SLC4A2: variants seen among roughly 807,000 people sequenced by gnomAD.
The protein encoded by SLC4A2 is solute carrier family 4 member 2.
SLC4A2 carries 36 observed loss-of-function variants against 115.0 expected under a neutral mutation model. The ratio of observed to expected loss-of-function variants is 0.31; its 90% CI spans 0.24 to 0.41. The LOEUF (loss-of-function observed/expected upper bound fraction) is 0.41, where lower values mean the gene tolerates loss of function less well. Among genes scored for constraint, SLC4A2 ranks in the 10% least tolerant of loss-of-function variants. SLC4A2 has a pLI of 1.00. For missense variants in SLC4A2, 1,252 were observed against 1,705.6 expected, an observed-to-expected ratio of 0.73 and a Z score of 4.68; for synonymous variants, 708 against 708.3, an observed-to-expected ratio of 1.00 and a Z score of 0.01.
At chr7:151,061,743 C>T (rs894489442) in intron 1 of SLC4A2, 182 bp from the exon 2 acceptor site, 2 of 541,952 alleles carry the variant, frequency 3.7e-6, no homozygotes, top group African/African-American at 1.9e-5. Flanking sequence ...CCTCAGTCCT[C>T]TCCTGTCTCC....
chr7:151,076,303 C>G lies in SLC4A2; in HGVS notation c.3662C>G (p.Ala1221Gly), dbSNP rs923399629. The change falls in exon 23 of 23, where the codon GCA becomes GGA. Residue 1221 changes from alanine (A) to glycine (G), a missense_variant. Ala to Gly is a moderately conservative substitution (Grantham distance 60). This residue lies in a region of SLC4A2 where 52 missense variants were observed against 40.6 expected (regional missense o/e 1.28). Transcript: ENST00000413384. ...REMKCLDANE[A>G]EPVFDEREGV... Reference sequence around the variant, plus strand: ...CACACACAGCTGGATGCTAACGAGGCAGAGCCGGTGTTTGATGAGCGGGAG... The same window carrying G: ...CACACACAGCTGGATGCTAACGAGGGAGAGCCGGTGTTTGATGAGCGGGAG... The G allele has an allele frequency of 6.4e-7, 1 of 1,553,282 alleles. No individual in the cohort carries two copies.
rs2150367929 is a variant in SLC4A2 at position 151,064,237 on chromosome 7, G to T, written c.87G>T (p.Gly29=). 6.2e-7 allele frequency: 1 copy of T among 1,612,512 alleles called. No homozygotes were observed. The highest frequency in any genetic ancestry group is 2.2e-5 in the East Asian group (1 of 44,884). The part of the protein sequence containing the change: ...EPESLGPGTP[G]FPEQEEDELH... ...AGAGCTTGGGCCCTGGGACGCCTGG[G>T]TTCCCCGAGCAGGAGGAAGACGAAC... Residue 29 remains glycine (G), a synonymous_variant, in exon 3 of 23, where the codon GGG becomes GGT. Transcript: ENST00000413384.
chr7:151,064,623 G>A lies in SLC4A2; in HGVS notation c.315G>A (p.Lys105=). The A allele has an allele frequency of 6.2e-7, 1 of 1,613,604 alleles. No homozygotes were observed. Among genetic ancestry groups the A allele is most frequent in the East Asian group, 2.2e-5 (1 of 44,876 alleles). ...AGACACCCCAGGGCCCAGGACGGAA[G>A]CCTCGAAGGCGCCCGGGAGCCTCCC... ...RRKTPQGPGR[K]PRRRPGASPT... The change falls in exon 4 of 23, where the codon AAG becomes AAA. Residue 105 remains lysine, a synonymous_variant. Transcript: ENST00000413384.
intron 2 of SLC4A2, chr7:151,063,152 C>CCGG: frequency 6.7e-7 from 1 of 1,502,470 alleles, no homozygotes; most frequent in African/African-American, 1.4e-5. Flanking sequence ...GCCGGCTGTG[C>CCGG]CGGCCGGCCG....
At chr7:151,068,135 C>T in intron 8 of SLC4A2, 81 bp downstream of exon 8, 2 of 1,169,494 alleles carry the variant, frequency 1.7e-6, no homozygotes, top group East Asian at 6.0e-5. Flanking sequence ...TCTTGAGCCC[C>T]ACGTTGTGTG....
intron 16 of SLC4A2, among the ~76,000 whole-genome samples, chr7:151,072,792 G>A (rs989312692): frequency 1.3e-5 from 2 of 151,810 alleles, no homozygotes; most frequent in African/African-American, 4.8e-5. Flanking sequence ...CCAAGTAGCT[G>A]GGATTACAGG....
rs1005212875 is a variant in SLC4A2 at position 151,074,948 on chromosome 7, G to A, written c.3047+107G>A. The A allele has an allele frequency of 1.9e-5, 23 of 1,206,052 alleles. No individual in the cohort carries two copies. In the African/African-American group the frequency reaches 3.3e-4, roughly 17 times the overall value. 74.7% of individuals were successfully genotyped at this position (1,206,052 alleles called of 1,614,324 possible). ...ACTGGGCAATCCCAGGGACCTCAGG[G>A]AACCTTGGATGCCCAGATGGCCACA... is the stretch of plus-strand genomic sequence containing the variant. On this transcript the variant is annotated intron_variant, in intron 19 of 22. Coordinates refer to ENST00000413384, the MANE Select transcript of SLC4A2 (RefSeq NM_003040.4).
chr7:151,063,601 G>T (rs1312964249), intron 2 of SLC4A2, among the ~76,000 whole-genome samples: 1 of 150,352 alleles, frequency 6.7e-6, no homozygotes, highest in South Asian at 2.1e-4. Flanking sequence ...CTGCATCTGA[G>T]GGGGCAGACT....
At position 151,064,830 on chromosome 7, in the gene SLC4A2, T is replaced by C; in HGVS notation, c.460-18T>C. On this transcript the variant is annotated intron_variant, in intron 4 of 22. Coordinates refer to ENST00000413384, the MANE Select transcript of SLC4A2 (RefSeq NM_003040.4). ...GCCCTGGCCTGGTCACTCCTGCCCA[T>C]GTGGGTCCCTGTTACAGTTCTTTCT... 2 of 1,613,740 alleles carry C rather than the reference T, an allele frequency of 1.2e-6. No individual in the cohort carries two copies. The highest frequency in any genetic ancestry group is 1.7e-6 in the Non-Finnish European group (2 of 1,179,882).
chr7:151,076,173 G>A lies in SLC4A2; in HGVS notation c.3632G>A (p.Arg1211Gln), dbSNP rs145331845. 3.4e-5 allele frequency: 55 copies of A among 1,611,178 alleles called. No individual in the cohort carries two copies. Among genetic ancestry groups the A allele is most frequent in the Admixed American group, 3.3e-4 (20 of 59,964 alleles). ...MVVLTRIFTD[R>Q]EMKCLDANEA... ...GTGCTCACCCGTATCTTCACCGACC[G>A]AGAGATGAAATGTGTAAGCCCTCCC... is the stretch of plus-strand genomic sequence containing the variant. The change falls in exon 22 of 23, where the codon CGA becomes CAA. Residue 1211 changes from arginine (R) to glutamine (Q), a missense_variant. By Grantham distance (43) the Arg-to-Gln change is conservative (BLOSUM62 1). This residue lies in a region of SLC4A2 where 52 missense variants were observed against 40.6 expected (regional missense o/e 1.28). Transcript: ENST00000413384.
Position 151,074,861 on chromosome 7 carries a change from G to T in SLC4A2, c.3047+20G>T, listed in dbSNP as rs1438755187. 8 of 1,577,496 alleles carry T rather than the reference G, an allele frequency of 5.1e-6. No individual in the cohort carries two copies. The South Asian group carries it at 9.3e-5, about 18-fold the overall frequency. The stretch of plus-strand genomic sequence containing the variant: ...CACCACGTGAGTGGTCCTAGCCAAA[G>T]GGGTGTGAGAGGCCAGAGCCCCAGG... On this transcript the variant is annotated intron_variant, in intron 19 of 22. Coordinates refer to ENST00000413384, the MANE Select transcript of SLC4A2 (RefSeq NM_003040.4).
In SLC4A2 at chr7:151,062,046, TGGCCCCCA is replaced by T; in HGVS notation, c.51+11_51+18del. 6.2e-7 allele frequency: 1 copy of T among 1,609,496 alleles called. No individual in the cohort carries two copies. The highest frequency in any genetic ancestry group is 8.5e-7 in the Non-Finnish European group (1 of 1,179,122). On this transcript the variant is annotated intron_variant, in intron 2 of 22. Coordinates refer to ENST00000413384, the MANE Select transcript of SLC4A2 (RefSeq NM_003040.4). ...GCAGATTCTTTCTGTACGGTGAGTG[TGGCCCCCA>T]GGTCGCCAGCCCAACCTTCCCTCCC...
chr7:151,076,486 TC>T lies in SLC4A2; in HGVS notation c.*124del. 1.2e-6 allele frequency: 1 copy of T among 852,664 alleles called. No individual in the cohort carries two copies. The highest frequency in any genetic ancestry group is 1.7e-6 in the Non-Finnish European group (1 of 580,782). 52.8% of individuals were successfully genotyped at this position (852,664 alleles called of 1,614,324 possible). On this transcript the variant is annotated 3_prime_UTR_variant, in exon 23 of 23. Transcript: ENST00000413384. Reference sequence around the variant, plus strand: ...AAGTGAATAATTTAAAGTCTTCTCCTCCCCCACTGCCCCTGCAGTAAAGTGC... The same window carrying T: ...AAGTGAATAATTTAAAGTCTTCTCCTCCCCACTGCCCCTGCAGTAAAGTGC...
chr7:151,061,984 G>C lies in SLC4A2; in HGVS notation c.-4G>C. 1 of 1,610,062 alleles carries C rather than the reference G, an allele frequency of 6.2e-7. No homozygotes were observed. Among genetic ancestry groups the C allele is most frequent in the Middle Eastern group, 1.7e-4 (1 of 6,058 alleles). Reference sequence around the variant, plus strand: ...GCGACAGCGAAAAGGGCTAAGATTCGGCCATGAGCAGCGCCCCTCGGCGCC... The same window carrying C: ...GCGACAGCGAAAAGGGCTAAGATTCCGCCATGAGCAGCGCCCCTCGGCGCC... On this transcript the variant is annotated 5_prime_UTR_variant, in exon 2 of 23. Transcript: ENST00000413384.
rs755819209 is a variant in SLC4A2 at position 151,076,031 on chromosome 7, C to T, written c.3490C>T (p.His1164Tyr). 8 of 1,609,470 alleles carry T rather than the reference C, an allele frequency of 5.0e-6. No individual in the cohort carries two copies. The highest frequency in any genetic ancestry group is 3.3e-5 in the Admixed American group (2 of 59,722). The change falls in exon 22 of 23, where the codon CAC (histidine) becomes TAC (tyrosine). Residue 1164 changes from histidine (H) to tyrosine (Y), a missense_variant. Around this residue, in one of 14 missense-constraint regions of SLC4A2, gnomAD observed 253 missense variants for 407.4 expected, o/e 0.62. Transcript: ENST00000413384. ...YVKKVRTLRM[H>Y]LFTALQLLCL... is the part of the protein sequence containing the mutation. The stretch of plus-strand genomic sequence containing the variant: ...CCCCCAGGTCCGGACCCTCCGTATG[C>T]ACCTGTTCACGGCCCTGCAGCTGCT...
At chr7:151,074,346 G>C in intron 17 of SLC4A2, 53 bp downstream of exon 17, 1 of 1,611,180 alleles carries the variant, frequency 6.2e-7, no homozygotes, top group Non-Finnish European at 8.5e-7. Context: ...GGGGGTGGCA[G>C]GAAGTCAGCG....
chr7:151,066,446 C>G, intron 5 of SLC4A2, 71 bp from the exon 6 acceptor site: 1 of 1,437,250 alleles, frequency 7.0e-7, no homozygotes, highest in Non-Finnish European at 9.1e-7. Context: ...CCCTGGCTAC[C>G]GCCTGCGTGG....
At chr7:151,069,599 A>G (rs1797358666) in intron 8 of SLC4A2, among the ~76,000 whole-genome samples, 1 of 152,162 alleles carries the variant, frequency 6.6e-6, no homozygotes, top group South Asian at 2.1e-4. Flanking sequence ...AACAGCCAAG[A>G]GGGTTCAGCC....
intron 16 of SLC4A2, among the ~76,000 whole-genome samples, chr7:151,072,864 A>G (rs1221194583): frequency 2.0e-5 from 3 of 151,476 alleles, no homozygotes; most frequent in Non-Finnish European, 4.4e-5. Flanking sequence ...GGGTTTTACC[A>G]TGTTGGCCAG....
Sources: gnomAD v4.1 joint callset for allele counts (sites outside exome capture counted in the v4.1 genomes callset) on GRCh38, gnomAD v4.1.1 for gene constraint, gnomAD v4.1.1 regional missense constraint, MANE v1.5 for transcripts, NCBI Gene and HGNC (gene_info 2026-07-23, HGNC 2026-07-21) for gene names.